Variants in CNBD1 observed in about 807,000 individuals in gnomAD.
CNBD1 encodes the protein cyclic nucleotide-binding domain-containing protein 1.
In CNBD1, 71 loss-of-function variants were observed where a neutral mutation model predicts 54.4. The observed-to-expected ratio is 1.30, with a 90% CI of 1.08 to 1.59. The LOEUF is 1.59. CNBD1 is among the 40% of genes most tolerant of loss of function. The pLI, the probability that CNBD1 is intolerant of heterozygous loss-of-function variation, is 0.00. For synonymous variants in CNBD1, 182 were observed against 170.7 expected (o/e 1.07, Z -0.51); for missense variants, 659 against 518.0 (o/e 1.27, Z -2.64).
chr8:87,105,104 C>A (rs189070535), intron 4 of CNBD1, among the ~76,000 whole-genome samples: 157 of 152,052 alleles, frequency 1.0e-3, no homozygotes, highest in Non-Finnish European at 1.8e-3. Flanking sequence ...TGACCATTTT[C>A]AAATACTTTT....
At chr8:87,109,543 T>TC (rs201727087) in intron 4 of CNBD1, among the ~76,000 whole-genome samples, 12 of 145,394 alleles carry the variant, frequency 8.3e-5, no homozygotes, top group African/African-American at 2.8e-4. Context: ...TTTCTTTCTT[T>TC]TTTTTTTTTT....
intron 3 of CNBD1, among the ~76,000 whole-genome samples, chr8:86,921,279 G>C (rs1232511464): frequency 6.6e-6 from 1 of 151,816 alleles, no homozygotes; most frequent in East Asian, 1.9e-4. Context: ...AATTATTCTT[G>C]TTATGACTAT....
chr8:87,248,831 C>G (rs988586608), intron 6 of CNBD1, among the ~76,000 whole-genome samples: 3 of 152,060 alleles, frequency 2.0e-5, no homozygotes, highest in Non-Finnish European at 4.4e-5. Context: ...TGTGGGCTTA[C>G]CAAAACTGTG....
At chr8:86,932,051 C>T (rs1179461347) in intron 3 of CNBD1, among the ~76,000 whole-genome samples, 1 of 152,152 alleles carries the variant, frequency 6.6e-6, no homozygotes, top group Non-Finnish European at 1.5e-5. Flanking sequence ...GGGAGTTTGT[C>T]CCTTTCTTTG....
chr8:86,883,195 T>C (rs1398001970), intron 1 of CNBD1, among the ~76,000 whole-genome samples: 1 of 148,458 alleles, frequency 6.7e-6, no homozygotes, highest in African/African-American at 2.5e-5. Context: ...AAAAAAAAAA[T>C]AGATTGGTGA....
intron 4 of CNBD1, among the ~76,000 whole-genome samples, chr8:86,964,856 C>T (rs1027344579): frequency 5.3e-5 from 8 of 152,156 alleles, no homozygotes; most frequent in African/African-American, 1.9e-4. Flanking sequence ...AATCCCACAA[C>T]GTTGGCAAAG....
At chr8:87,109,785 G>A (rs955183980) in intron 4 of CNBD1, among the ~76,000 whole-genome samples, 1 of 151,996 alleles carries the variant, frequency 6.6e-6, no homozygotes, top group Non-Finnish European at 1.5e-5. Flanking sequence ...TGATCTGCCT[G>A]CCTCAGCCTC....
intron 4 of CNBD1, among the ~76,000 whole-genome samples, chr8:87,160,491 A>G (rs1812834127): frequency 6.6e-6 from 1 of 152,180 alleles, no homozygotes; most frequent in Non-Finnish European, 1.5e-5. Context: ...TTTGACATAA[A>G]GGTCAACATT....
intron 4 of CNBD1, among the ~76,000 whole-genome samples, chr8:87,136,316 A>G (rs1367633745): frequency 2.6e-5 from 4 of 151,198 alleles, no homozygotes; most frequent in Admixed American, 1.3e-4. Context: ...CCAAAGGCAA[A>G]ATACTAATAT....
intron 2 of CNBD1, among the ~76,000 whole-genome samples, chr8:87,411,397 C>CATATATATATATATAT (rs6150689): frequency 0.023 from 2,109 of 92,090 alleles, 88 homozygotes; most frequent in Middle Eastern, 0.044. Flanking sequence ...CTAGCTATAT[C>CATATATATATATATAT]ATATATATAT....
chr8:87,392,623 C>T (rs78680806), intron 2 of CNBD1, among the ~76,000 whole-genome samples: 5,220 of 151,864 alleles, frequency 0.034, 282 homozygotes, highest in African/African-American at 0.12. Flanking sequence ...ATCAGAAAGT[C>T]GATTAGCTGT....
intron 6 of CNBD1, among the ~76,000 whole-genome samples, chr8:87,257,797 A>G (rs1307632827): frequency 1.3e-5 from 2 of 152,308 alleles, no homozygotes; most frequent in East Asian, 3.9e-4. Flanking sequence ...CAATTTCAGT[A>G]TCAGCTGGTT....
At chr8:87,355,742 T>G (rs1047103281) in intron 10 of CNBD1, among the ~76,000 whole-genome samples, 1 of 152,160 alleles carries the variant, frequency 6.6e-6, no homozygotes, top group Non-Finnish European at 1.5e-5. Flanking sequence ...ATATAAGATT[T>G]GACTGAATAC....
At chr8:87,418,434 T>A (rs542736142) in intron 2 of CNBD1, among the ~76,000 whole-genome samples, 19 of 152,122 alleles carry the variant, frequency 1.2e-4, no homozygotes, top group African/African-American at 3.9e-4. Flanking sequence ...TGTAAATGTT[T>A]ATAACCTTGC....
rs773172612 is a variant in CNBD1, at chr8:86,912,982, T to A, written c.272+7788T>A. ...ATAAAAAATTTTAAAAATAGAAAAATGCTTATAGGATAAAGATAGAAACAA... is the reference window on the plus strand; with the variant it reads ...ATAAAAAATTTTAAAAATAGAAAAAAGCTTATAGGATAAAGATAGAAACAA... On this transcript the variant is annotated intron_variant, in intron 3 of 10. Transcript: ENST00000518476. Among the ~76,000 whole-genome samples, 35 of 152,164 alleles carry A rather than the reference T, an allele frequency of 2.3e-4. 1 individual carries two copies. Among genetic ancestry groups the A allele is most frequent in the Non-Finnish European group, 4.0e-4 (27 of 67,990 alleles).
At chr8:87,361,372 G>T (rs1312479593) in intron 10 of CNBD1, among the ~76,000 whole-genome samples, 1 of 151,640 alleles carries the variant, frequency 6.6e-6, no homozygotes, top group Non-Finnish European at 1.5e-5. Context: ...GAAATCAGTA[G>T]AAGGAGATTA....
At chr8:86,917,516 G>T (rs1414261386) in intron 3 of CNBD1, among the ~76,000 whole-genome samples, 2 of 152,140 alleles carry the variant, frequency 1.3e-5, no homozygotes, top group Non-Finnish European at 2.9e-5. Context: ...AGGGGGTCTA[G>T]AATTTCCCAT....
At chr8:87,065,826 A>G (rs1810636958) in intron 4 of CNBD1, among the ~76,000 whole-genome samples, 1 of 151,930 alleles carries the variant, frequency 6.6e-6, no homozygotes, top group Non-Finnish European at 1.5e-5. Flanking sequence ...CACACCTATA[A>G]ATAGGAGAGT....
At chr8:87,381,899 A>G (rs1460770293) in intron 10 of CNBD1, among the ~76,000 whole-genome samples, 2 of 152,002 alleles carry the variant, frequency 1.3e-5, no homozygotes, top group Admixed American at 1.3e-4. Context: ...GTTACACAAG[A>G]TGAATAAGTT....
Sources: gnomAD v4.1 joint callset for allele counts (sites outside exome capture counted in the v4.1 genomes callset) on GRCh38, gnomAD v4.1.1 for gene constraint, MANE v1.5 for transcripts, NCBI Gene and HGNC (gene_info 2026-07-23, HGNC 2026-07-21) for gene names.